The following MYH10 variants were observed in gnomAD, a reference collection of about 807,000 sequenced individuals.
MYH10 encodes myosin heavy chain 10, also known as myosin-10.
A neutral mutation model predicts 257.8 loss-of-function variants in MYH10; 55 were observed. That is an observed-to-expected ratio of 0.21 (90% confidence interval 0.17 to 0.27). The LOEUF (loss-of-function observed/expected upper bound fraction) is 0.27. MYH10 is among the 10% of genes least tolerant of loss of function. The pLI is 1.00. For synonymous variants in MYH10, 854 were observed against 921.7 expected (o/e 0.93, Z 1.33); for missense variants, 1,631 against 2,500.6 (o/e 0.65, Z 7.42).
rs55865122 is a variant in MYH10, at chr17:8,502,480, TTGTGTGTGTG to T, written c.3600-1520_3600-1511del. Among the ~76,000 whole-genome samples, 184 of 150,142 alleles carry T rather than the reference TTGTGTGTGTG, an allele frequency of 1.2e-3. 2 individuals carry two copies. The highest frequency in any genetic ancestry group is 3.2e-3 in the Middle Eastern group (1 of 308). ...AGCACGTTGTCTTTTGGGAAAATAGTTGTGTGTGTGTGTGTGTGTGTGTGTTCCTCATCCC... is the reference window on the plus strand; with the variant it reads ...AGCACGTTGTCTTTTGGGAAAATAGTTGTGTGTGTGTGTGTTCCTCATCCC... On this transcript the variant is annotated intron_variant, in intron 28 of 42. Transcript: ENST00000360416.
Position 8,504,970 on chromosome 17 carries a change from C to T in MYH10, c.3387-64G>A, listed in dbSNP as rs1025526333. On this transcript the variant is annotated intron_variant, in intron 27 of 42. Coordinates refer to ENST00000360416, the MANE Select transcript of MYH10 (RefSeq NM_001256012.3). This position sits in a 1 kb window ranked among gnomAD's most constrained non-coding sequence, Gnocchi z 5.6. ...GCACCCGGATGGCCTGTTTCTCAGG[C>T]GAGCCCCAGCCCCTGAGCACCTCTC... 1.3e-5 allele frequency: 18 copies of T among 1,397,112 alleles called. No individual in the cohort carries two copies. The highest frequency in any genetic ancestry group is 1.7e-5 in the Admixed American group (1 of 58,780). 86.5% of individuals were successfully genotyped at this position (1,397,112 alleles called of 1,614,324 possible).
chr17:8,482,981 T>C (rs1042144990), intron 37 of MYH10, among the ~76,000 whole-genome samples: 3 of 152,204 alleles, frequency 2.0e-5, no homozygotes, highest in Admixed American at 6.5e-5. Context: ...GGAACACTTA[T>C]AAAAACTAAC....
intron 21 of MYH10, among the ~76,000 whole-genome samples, chr17:8,515,227 G>A (rs1410825552): frequency 6.6e-6 from 1 of 152,188 alleles, no homozygotes; most frequent in Non-Finnish European, 1.5e-5. Flanking sequence ...ACTCTCCTGG[G>A]AAAGAGAAGC....
chr17:8,579,048 C>T (rs530878156), intron 4 of MYH10, among the ~76,000 whole-genome samples: 177 of 152,026 alleles, frequency 1.2e-3, no homozygotes, highest in African/African-American at 4.0e-3. Flanking sequence ...ATGCCAAGGC[C>T]GGAGAATCGC....
chr17:8,591,084 G>C (rs979649118), intron 3 of MYH10, among the ~76,000 whole-genome samples: 1 of 151,942 alleles, frequency 6.6e-6, no homozygotes, highest in Non-Finnish European at 1.5e-5. Context: ...GTGTTAGCCA[G>C]GATGGTCTCG....
intron 3 of MYH10, among the ~76,000 whole-genome samples, chr17:8,597,089 T>A (rs1332570530): frequency 6.6e-6 from 1 of 152,096 alleles, no homozygotes; most frequent in Non-Finnish European, 1.5e-5. Flanking sequence ...TTGATGTAGG[T>A]GATTGCAAAA....
intron 7 of MYH10, among the ~76,000 whole-genome samples, chr17:8,556,877 A>AG (rs1209463927): frequency 6.6e-6 from 1 of 152,232 alleles, no homozygotes; most frequent in Non-Finnish European, 1.5e-5. Flanking sequence ...CCCCTGTGCT[A>AG]GGATGACATT....
At chr17:8,546,831 T>TG (rs2082461046) in intron 11 of MYH10, among the ~76,000 whole-genome samples, 169 bp from the exon 12 acceptor site, 2 of 152,200 alleles carry the variant, frequency 1.3e-5, no homozygotes, top group Admixed American at 1.3e-4. Flanking sequence ...CCTTCCATCT[T>TG]TTCAAATTAA....
intron 7 of MYH10, among the ~76,000 whole-genome samples, chr17:8,568,881 T>A (rs1006455050): frequency 6.6e-6 from 1 of 151,766 alleles, no homozygotes; most frequent in Admixed American, 6.6e-5. Context: ...CTAGTCAAAC[T>A]GAGGAGGAAA....
chr17:8,480,483 G>C lies in MYH10; in HGVS notation c.5307C>G (p.Ile1769Met), dbSNP rs1014119460. 1 of 1,611,712 alleles carries C rather than the reference G, an allele frequency of 6.2e-7. No individual in the cohort carries two copies. Among genetic ancestry groups the C allele is most frequent in the Non-Finnish European group, 8.5e-7 (1 of 1,179,914 alleles). Residue 1769 changes from isoleucine to methionine, a missense_variant, in exon 39 of 43, where the codon ATC (isoleucine) becomes ATG (methionine). By Grantham distance (10) the Ile-to-Met change is conservative (BLOSUM62 1). Transcript: ENST00000360416. Reference protein sequence around the residue: ...LDEKRRLEARIAQLEEELEEE... With the variant: ...LDEKRRLEARMAQLEEELEEE... Reference sequence around the variant, plus strand: ...CTTCCAGCTCCTCCTCCAGCTGTGCGATCCGAGCTTCCAGACGCCGCTTCT... The same window carrying C: ...CTTCCAGCTCCTCCTCCAGCTGTGCCATCCGAGCTTCCAGACGCCGCTTCT...
chr17:8,623,012 T>A lies in MYH10; in HGVS notation c.235A>T (p.Met79Leu). 6.2e-7 allele frequency: 1 copy of A among 1,614,236 alleles called. No individual in the cohort carries two copies. The highest frequency in any genetic ancestry group is 8.5e-7 in the Non-Finnish European group (1 of 1,180,040). The change falls in exon 2 of 43, where the codon ATG (methionine) becomes TTG (leucine). Residue 79 changes from methionine to leucine, a missense_variant. Physicochemically the swap from Met to Leu is conservative, Grantham distance 15. Coordinates refer to ENST00000360416, the MANE Select transcript of MYH10 (RefSeq NM_001256012.3). ...AMVNKDDIQK[M>L]NPPKFSKVED... ...ACCTTGGAAAACTTAGGTGGGTTCA[T>A]CTTCTGAATATCATCTTTGTTGACC...
In MYH10 at chr17:8,504,082, A is replaced by G. The variant is rs1214913255; in HGVS notation, c.3599+612T>C. Among the ~76,000 whole-genome samples the G allele has an allele frequency of 1.3e-5, 2 of 152,118 alleles. No individual in the cohort carries two copies. The highest frequency in any genetic ancestry group is 2.1e-4 in the South Asian group (1 of 4,834). On this transcript the variant is annotated intron_variant, in intron 28 of 42. Coordinates refer to ENST00000360416, the MANE Select transcript of MYH10 (RefSeq NM_001256012.3). The surrounding 1 kb of genome is among the most constrained non-coding windows in gnomAD (Gnocchi z 5.6). ...TCTCCTGCGACTCGTGGGCTGCCAC[A>G]CTGCAGCTTTCTACCCAGGAGCCTT... is the stretch of plus-strand genomic sequence containing the variant.
In MYH10 at chr17:8,504,922, G is replaced by C. The variant is rs1360898934; in HGVS notation, c.3387-16C>G. The C allele has an allele frequency of 6.2e-7, 1 of 1,609,564 alleles. No homozygotes were observed. The highest frequency in any genetic ancestry group is 2.2e-5 in the East Asian group (1 of 44,830). ...ATCATCACCTCTGTTAAAACACCCA[G>C]GCGCAAGAGGCACTCAGAGATGGCA... On this transcript the variant is annotated splice_polypyrimidine_tract_variant and intron_variant, in intron 27 of 42. Coordinates refer to ENST00000360416, the MANE Select transcript of MYH10 (RefSeq NM_001256012.3). This position sits in a 1 kb window ranked among gnomAD's most constrained non-coding sequence, Gnocchi z 5.6.
Position 8,569,516 on chromosome 17 carries a change from A to G in MYH10, c.756+204T>C, listed in dbSNP as rs897510750. 3.3e-5 allele frequency among the ~76,000 whole-genome samples: 5 copies of G among 152,236 alleles called. No homozygotes were observed. The highest frequency in any genetic ancestry group is 7.3e-5 in the Non-Finnish European group (5 of 68,040). On this transcript the variant is annotated intron_variant, in intron 7 of 42. Transcript: ENST00000360416. This position sits in a 1 kb window ranked among gnomAD's most constrained non-coding sequence, Gnocchi z 4.1. ...TACATTTCTGTATGATAAAATGATGAAAGTTACTTACACATTACCTTTTTT... is the reference window on the plus strand; with the variant it reads ...TACATTTCTGTATGATAAAATGATGGAAGTTACTTACACATTACCTTTTTT...
At chr17:8,588,116 T>C (rs1169819222) in intron 4 of MYH10, among the ~76,000 whole-genome samples, 2 of 152,170 alleles carry the variant, frequency 1.3e-5, no homozygotes, top group African/African-American at 4.8e-5. Flanking sequence ...GCCTTCTTTG[T>C]GGTTCTTCCT....
At chr17:8,508,001 C>T (rs1383641811) in intron 26 of MYH10, among the ~76,000 whole-genome samples, 1 of 152,028 alleles carries the variant, frequency 6.6e-6, no homozygotes, top group Non-Finnish European at 1.5e-5. Context: ...AAAGGAAAAC[C>T]ATTTTATCAT....
intron 7 of MYH10, chr17:8,561,118 T>C (rs1301363826): frequency 4.9e-6 from 3 of 609,012 alleles, no homozygotes; most frequent in Non-Finnish European, 8.7e-6. Flanking sequence ...TCAAGCTGGA[T>C]TGTAGTTAAG....
chr17:8,486,498 T>A (rs1914792630), intron 36 of MYH10, among the ~76,000 whole-genome samples: 1 of 144,270 alleles, frequency 6.9e-6, no homozygotes, highest in Non-Finnish European at 1.5e-5. Flanking sequence ...ACTGAGACTC[T>A]ATCTCTGGGA....
intron 37 of MYH10, 67 bp from the exon 38 acceptor site, chr17:8,481,477 G>A: frequency 7.1e-7 from 1 of 1,414,814 alleles, no homozygotes; most frequent in Non-Finnish European, 9.9e-7. Context: ...ATCTGACAGT[G>A]CCTGGAGCTA....
Sources: allele counts gnomAD v4.1 joint callset (sites outside exome capture counted in the v4.1 genomes callset), GRCh38; gene constraint gnomAD v4.1.1; non-coding constraint Gnocchi (gnomAD v3.1); transcripts MANE v1.5; gene names NCBI Gene and HGNC (gene_info 2026-07-23, HGNC 2026-07-21).